Variants in GALK1 observed in about 807,000 individuals in gnomAD.
GALK1 encodes galactokinase.
GALK1 carries 30 observed loss-of-function variants against 38.6 expected under a neutral mutation model. The observed-to-expected ratio is 0.78, with a 90% confidence interval of 0.58 to 1.05. GALK1 has a LOEUF of 1.05. GALK1 is among the 50% of genes least tolerant of loss of function. The pLI is 0.00. For synonymous variants in GALK1, 240 were observed against 233.6 expected (o/e 1.03, Z -0.25); for missense variants, 512 against 540.5 (o/e 0.95, Z 0.52).
rs201247556 is a variant in GALK1, at chr17:75,758,529, C to T, written c.864G>A (p.Thr288=). Residue 288 remains threonine, a synonymous_variant, in exon 6 of 8, where the codon ACG becomes ACA. Coordinates refer to ENST00000588479, the MANE Select transcript of GALK1 (RefSeq NM_000154.2). ...ARHVVGEIRR[T]AQAAAALRRG... is the part of the protein sequence containing the mutation. ...GTCTCAGGGCGGCCGCTGCCTGGGC[C>T]GTGCGCCGAATCTCCCCCACCACGT... The T allele has an allele frequency of 1.8e-5, 29 of 1,591,348 alleles. No homozygotes were observed. Among genetic ancestry groups the T allele is most frequent in the East Asian group, 1.6e-4 (7 of 44,192 alleles).
chr17:75,752,283 C>T, intron 8 of GALK1: 1 of 1,613,380 alleles, frequency 6.2e-7, no homozygotes. Context: ...TGAAGGCGCG[C>T]AACGGGGCCG....
chr17:75,752,465 C>G, intron 8 of GALK1: 1 of 1,613,604 alleles, frequency 6.2e-7, no homozygotes, highest in Non-Finnish European at 8.5e-7. Context: ...TCCCTGACAT[C>G]CCTATCGTGG....
chr17:75,761,561 G>C (rs1169245484), intron 5 of GALK1, among the ~76,000 whole-genome samples: 1 of 147,784 alleles, frequency 6.8e-6, no homozygotes, highest in South Asian at 2.1e-4. Context: ...AGGATGCAGT[G>C]AGCCGAGATT....
rs375483568 is a variant in GALK1, at chr17:75,752,265, C to A, written c.*23-528G>T. 7.4e-6 allele frequency: 12 copies of A among 1,613,548 alleles called. No individual in the cohort carries two copies. In the African/African-American group the frequency reaches 1.6e-4, roughly 21 times the overall value. ...ACCTTCGGGAGTCCCAGCCCTACCG[C>A]TACACGGTGAAGGCGCGCAACGGGG... On this transcript the variant is annotated intron_variant, in intron 8 of 8. Transcript: ENST00000225614.
At chr17:75,764,265 C>T (rs542661324) in intron 1 of GALK1, 179 bp from the exon 2 acceptor site, 3 of 776,740 alleles carry the variant, frequency 3.9e-6, no homozygotes, top group South Asian at 2.7e-5. Context: ...AGCCCTGCCC[C>T]CTTAGGTCTT....
chr17:75,756,404 G>C (rs1376649571), downstream of GALK1: 2 of 1,612,520 alleles, frequency 1.2e-6, no homozygotes, highest in Non-Finnish European at 1.7e-6. Context: ...CTGCACTACT[G>C]TGTGCCCCCA....
At chr17:75,755,141 T>C (rs761793204), downstream of GALK1, 11 of 1,611,564 alleles carry the variant, frequency 6.8e-6, no homozygotes, top group South Asian at 1.1e-4. Flanking sequence ...GATGAAAGGG[T>C]TCCCCCCTTC....
chr17:75,755,975 C>G, downstream of GALK1: 6 of 1,212,348 alleles, frequency 4.9e-6, no homozygotes, highest in Non-Finnish European at 5.8e-6. Flanking sequence ...AAGCCCCCAT[C>G]CAGCCTGAGA....
downstream of GALK1, chr17:75,754,609 T>C (rs1568383291): frequency 6.2e-7 from 1 of 1,613,856 alleles, no homozygotes; most frequent in South Asian, 1.1e-5. Context: ...GACTTTGCCT[T>C]CCCGGGCAGC....
At chr17:75,764,385 C>CT (rs781703583) in intron 1 of GALK1, 2 of 655,696 alleles carry the variant, frequency 3.1e-6, no homozygotes, top group African/African-American at 3.5e-5. Context: ...GCTCCAAAGC[C>CT]TTTACATTTT....
chr17:75,755,133 T>C, downstream of GALK1: 1 of 1,611,804 alleles, frequency 6.2e-7, no homozygotes, highest in Non-Finnish European at 8.5e-7. Flanking sequence ...CGGGCTCAGA[T>C]GAAAGGGTTC....
chr17:75,755,924 C>A, downstream of GALK1: 1 of 1,533,448 alleles, frequency 6.5e-7, no homozygotes, highest in East Asian at 2.4e-5. Context: ...CATAGGGTAC[C>A]TCAGCTGTGT....
At chr17:75,755,598 G>C, downstream of GALK1, 1 of 1,461,078 alleles carries the variant, frequency 6.8e-7, no homozygotes, top group Non-Finnish European at 9.5e-7. Flanking sequence ...AGCGGTCAGT[G>C]TAGACATGCC....
chr17:75,755,006 A>T, downstream of GALK1: 1 of 1,572,832 alleles, frequency 6.4e-7, no homozygotes, highest in Non-Finnish European at 8.7e-7. Context: ...ACGTACACAC[A>T]TGCATGCACA....
intron 6 of GALK1, 37 bp downstream of exon 6, chr17:75,758,412 T>A: frequency 6.3e-7 from 1 of 1,577,882 alleles, no homozygotes; most frequent in Non-Finnish European, 8.6e-7. Context: ...TGGGCCGGCC[T>A]GTGCCCGGCA....
chr17:75,756,362 C>G, downstream of GALK1: 2 of 1,569,880 alleles, frequency 1.3e-6, no homozygotes, highest in Non-Finnish European at 1.8e-6. Flanking sequence ...AGCTTAGGGA[C>G]GAGGAGGATC....
Position 75,758,419 on chromosome 17 carries a change from G to C in GALK1, c.944+30C>G, listed in dbSNP as rs368974825. 7.6e-6 allele frequency: 12 copies of C among 1,575,200 alleles called. No homozygotes were observed. In the South Asian group the frequency reaches 1.3e-4, roughly 17 times the overall value. The stretch of plus-strand genomic sequence containing the variant: ...GGTGGGCCTGGGCCGGCCTGTGCCC[G>C]GCAGGAGCGGGGCGCCCAGAGGGCC... On this transcript the variant is annotated intron_variant, in intron 6 of 7. Transcript: ENST00000588479.
chr17:75,752,276 A>G (rs1459746945), intron 8 of GALK1: 1 of 1,613,300 alleles, frequency 6.2e-7, no homozygotes. Context: ...TACACGGTGA[A>G]GGCGCGCAAC....
downstream of GALK1, chr17:75,755,564 G>A: frequency 9.1e-7 from 1 of 1,101,460 alleles, no homozygotes; most frequent in South Asian, 1.3e-5. Flanking sequence ...ACAGGGTGTT[G>A]CAGGGTGAGT....
Sources: allele counts gnomAD v4.1 joint callset (sites outside exome capture counted in the v4.1 genomes callset), GRCh38; gene constraint gnomAD v4.1.1; transcripts MANE v1.5; gene names NCBI Gene and HGNC (gene_info 2026-07-23, HGNC 2026-07-21).